PLCB1: variants seen among roughly 807,000 people sequenced by gnomAD.
PLCB1 encodes the protein 1-phosphatidylinositol 4,5-bisphosphate phosphodiesterase beta-1.
In PLCB1, 46 loss-of-function variants were observed where a neutral mutation model predicts 161.8. The observed-to-expected ratio is 0.28, with a 90% CI of 0.22 to 0.36. PLCB1 has a LOEUF of 0.36. Among genes scored for constraint, PLCB1 ranks in the 10% least tolerant of loss-of-function variants. The probability of loss-of-function intolerance (pLI) is 1.00; values close to 1 mark genes in which losing one functional copy is unlikely to be tolerated. For synonymous variants in PLCB1, 517 were observed against 503.7 expected, an observed-to-expected ratio of 1.03 and a Z score of -0.35; for missense variants, 1,016 against 1,472.5, an observed-to-expected ratio of 0.69 and a Z score of 5.07.
intron 3 of PLCB1, among the ~76,000 whole-genome samples, chr20:8,613,411 G>A (rs995909246): frequency 2.0e-5 from 3 of 152,166 alleles, no homozygotes; most frequent in African/African-American, 4.8e-5. Context: ...GACATTAGCC[G>A]TGTCTGTTAG....
chr20:8,635,815 C>T (rs1017785070), intron 4 of PLCB1, among the ~76,000 whole-genome samples: 7 of 152,158 alleles, frequency 4.6e-5, no homozygotes, highest in Non-Finnish European at 2.9e-5. Context: ...GCTAAGGCCA[C>T]CTCCGGGCCA....
At chr20:8,287,131 A>G (rs1037558121) in intron 2 of PLCB1, among the ~76,000 whole-genome samples, 12 of 152,158 alleles carry the variant, frequency 7.9e-5, no homozygotes, top group Non-Finnish European at 1.5e-4. Context: ...AGTGGTGTCT[A>G]TTAAATATTT....
At chr20:8,584,483 GACACACAC>G (rs61008784) in intron 3 of PLCB1, among the ~76,000 whole-genome samples, 3 of 147,664 alleles carry the variant, frequency 2.0e-5, no homozygotes, top group South Asian at 2.2e-4. Context: ...CACACACACA[GACACACAC>G]ACACACACAC....
At chr20:8,718,517 C>T (rs1979458262) in intron 14 of PLCB1, among the ~76,000 whole-genome samples, 1 of 152,184 alleles carries the variant, frequency 6.6e-6, no homozygotes, top group African/African-American at 2.4e-5. Flanking sequence ...CTCCTTCCAG[C>T]TTCAAAGCCA....
intron 2 of PLCB1, among the ~76,000 whole-genome samples, chr20:8,176,685 T>C (rs2051787059): frequency 6.6e-6 from 1 of 152,186 alleles, no homozygotes; most frequent in African/African-American, 2.4e-5. Context: ...TAATAGATTG[T>C]ATCAATATCA....
chr20:8,324,684 AT>A (rs1387108316), intron 2 of PLCB1, among the ~76,000 whole-genome samples: 2 of 151,982 alleles, frequency 1.3e-5, no homozygotes, highest in African/African-American at 2.4e-5. Flanking sequence ...ATGTTCTCTC[AT>A]TTTTTTTAAA....
intron 2 of PLCB1, among the ~76,000 whole-genome samples, chr20:8,158,593 C>T (rs961240288): frequency 3.9e-5 from 6 of 152,136 alleles, no homozygotes; most frequent in Admixed American, 6.5e-5. Flanking sequence ...TCAGCATTAA[C>T]TCAAAAGTCC....
chr20:8,225,748 AG>A (rs1979648876), intron 2 of PLCB1, among the ~76,000 whole-genome samples: 1 of 152,242 alleles, frequency 6.6e-6, no homozygotes, highest in South Asian at 2.1e-4. Flanking sequence ...GAGAAAGCCA[AG>A]GTTGTTCTCA....
At position 8,289,779 on chromosome 20, in the gene PLCB1, G is replaced by A. The variant is rs1188896102; in HGVS notation, c.178-81603G>A. The stretch of plus-strand genomic sequence containing the variant: ...GAATCTTGAACGAGCATGACTCAAT[G>A]GGAGACTGTTCCACTGTCAGTTTCT... On this transcript the variant is annotated intron_variant, in intron 2 of 31. Coordinates refer to ENST00000338037, the MANE Select transcript of PLCB1 (RefSeq NM_015192.4). 2.0e-5 allele frequency among the ~76,000 whole-genome samples: 3 copies of A among 152,256 alleles called. No individual in the cohort carries two copies. In the East Asian group the frequency reaches 5.8e-4, roughly 29 times the overall value.
intron 3 of PLCB1, among the ~76,000 whole-genome samples, chr20:8,504,847 C>G (rs1600112271): frequency 6.6e-6 from 1 of 152,126 alleles, no homozygotes; most frequent in East Asian, 1.9e-4. Flanking sequence ...TGTAGCTTTT[C>G]TCTCTGGAAG....
chr20:8,715,022 TA>T (rs774084193), intron 12 of PLCB1, among the ~76,000 whole-genome samples: 137 of 152,322 alleles, frequency 9.0e-4, no homozygotes, highest in Non-Finnish European at 1.7e-3. Context: ...AATCACATTT[TA>T]TGATCAATTT....
intron 3 of PLCB1, among the ~76,000 whole-genome samples, chr20:8,623,609 C>T (rs1347801394): frequency 6.6e-6 from 1 of 152,046 alleles, no homozygotes; most frequent in Non-Finnish European, 1.5e-5. Context: ...TTTTCTTTGA[C>T]ATAGTCAGTC....
At chr20:8,412,665 T>A (rs1042142752) in intron 3 of PLCB1, among the ~76,000 whole-genome samples, 4 of 152,146 alleles carry the variant, frequency 2.6e-5, no homozygotes, top group African/African-American at 9.7e-5. Flanking sequence ...TTGCTTTACA[T>A]GGTTATCCTG....
intron 27 of PLCB1, among the ~76,000 whole-genome samples, chr20:8,777,110 G>T (rs898960719): frequency 6.6e-5 from 10 of 152,146 alleles, no homozygotes; most frequent in African/African-American, 1.9e-4. Flanking sequence ...GCCTGAAGAG[G>T]ATTATAGGGC....
chr20:8,364,172 G>A (rs533611585), intron 2 of PLCB1, among the ~76,000 whole-genome samples: 44 of 152,164 alleles, frequency 2.9e-4, no homozygotes, highest in African/African-American at 1.0e-3. Context: ...CTTGGCTCCC[G>A]GAAGAATGCA....
At chr20:8,148,306 A>G (rs2051475196) in intron 1 of PLCB1, among the ~76,000 whole-genome samples, 1 of 151,294 alleles carries the variant, frequency 6.6e-6, no homozygotes, top group South Asian at 2.1e-4. Flanking sequence ...AAAGAAGCCT[A>G]AACTATTTTA....
At chr20:8,713,270 C>T (rs1479295357) in intron 12 of PLCB1, among the ~76,000 whole-genome samples, 2 of 152,134 alleles carry the variant, frequency 1.3e-5, no homozygotes, top group African/African-American at 2.4e-5. Context: ...CTTACTGCAA[C>T]CTCCACCTCC....
chr20:8,558,428 A>G (rs926226032), intron 3 of PLCB1, among the ~76,000 whole-genome samples: 4 of 151,920 alleles, frequency 2.6e-5, no homozygotes, highest in African/African-American at 7.2e-5. Context: ...AAAAATGAAC[A>G]GAACCCAAGA....
intron 16 of PLCB1, among the ~76,000 whole-genome samples, chr20:8,725,454 G>T (rs1211556013): frequency 6.6e-6 from 1 of 152,028 alleles, no homozygotes; most frequent in African/African-American, 2.4e-5. Context: ...ACAGAAATTT[G>T]CCTAAATGTA....
Sources: gnomAD v4.1 joint callset for allele counts (sites outside exome capture counted in the v4.1 genomes callset) on GRCh38, gnomAD v4.1.1 for gene constraint, MANE v1.5 for transcripts, NCBI Gene and HGNC (gene_info 2026-07-23, HGNC 2026-07-21) for gene names.